The following CPLX4 variants were observed in gnomAD, a reference collection of about 807,000 sequenced individuals.
CPLX4 encodes complexin 4.
Under a neutral mutation model 16.1 loss-of-function variants are expected in CPLX4, and 17 were observed. The observed-to-expected ratio is 1.06, with a 90% CI of 0.72 to 1.59. CPLX4 has a LOEUF of 1.59. CPLX4 is among the 40% of genes most tolerant of loss of function. The pLI is 0.00. For missense variants in CPLX4, 193 were observed against 192.9 expected, an observed-to-expected ratio of 1.00 and a Z score of 0.00; for synonymous variants, 55 against 57.8, an observed-to-expected ratio of 0.95 and a Z score of 0.22.
At chr18:59,309,481 G>C (rs552888639) in intron 2 of CPLX4, among the ~76,000 whole-genome samples, 16 of 152,168 alleles carry the variant, frequency 1.1e-4, no homozygotes, top group Non-Finnish European at 1.8e-4. Flanking sequence ...TTTAAGCCAC[G>C]TGGAATTCAA....
chr18:59,309,822 C>CAAAAAAAAA (rs369580193), intron 2 of CPLX4, among the ~76,000 whole-genome samples: 3 of 87,010 alleles, frequency 3.4e-5, no homozygotes, highest in Non-Finnish European at 6.8e-5. Context: ...GACTCTGTGT[C>CAAAAAAAAA]AAAAAAAAAA....
Position 59,318,624 on chromosome 18 carries a change from G to A in CPLX4, c.-162C>T. On this transcript the variant is annotated 5_prime_UTR_variant, in exon 1 of 3. Coordinates refer to ENST00000299721, the MANE Select transcript of CPLX4 (RefSeq NM_181654.4). The stretch of plus-strand genomic sequence containing the variant: ...ATCTATTCAAGGGCATACTGATAGA[G>A]AAGAGTGGTTTGTCGGCCGTAAGCT... 1 of 1,313,780 alleles carries A rather than the reference G, an allele frequency of 7.6e-7. No individual in the cohort carries two copies. The highest frequency in any genetic ancestry group is 1.0e-6 in the Non-Finnish European group (1 of 1,001,058). The allele number at this position is 1,313,780 out of a possible 1,614,324, so 81.4% of individuals were successfully genotyped here.
intron 1 of CPLX4, among the ~76,000 whole-genome samples, chr18:59,314,440 A>G (rs1339393403): frequency 6.6e-6 from 1 of 152,088 alleles, no homozygotes; most frequent in East Asian, 1.9e-4. Context: ...CATTTCCCCC[A>G]AACTCTTCAA....
intron 2 of CPLX4, among the ~76,000 whole-genome samples, chr18:59,309,557 C>T (rs1394860767): frequency 6.6e-6 from 1 of 152,166 alleles, no homozygotes; most frequent in African/African-American, 2.4e-5. Context: ...GGCGCAGTGG[C>T]TCACGCCTAT....
intron 2 of CPLX4, among the ~76,000 whole-genome samples, chr18:59,308,211 A>G (rs1438162019): frequency 1.3e-5 from 2 of 152,198 alleles, no homozygotes; most frequent in Non-Finnish European, 1.5e-5. Context: ...ATTCAGTATT[A>G]GAATAAAAAG....
Position 59,296,767 on chromosome 18 carries a change from T to C in CPLX4, c.414A>G (p.Ile138Met). ...TGAAGGTGGCCTGGGCTTTTTCTTT[T>C]ATGGTATCCAAGTCCATGTTCTGGA... is the stretch of plus-strand genomic sequence containing the variant. ...QNLQNMDLDT[I>M]KEKAQATFTE... Residue 138 changes from isoleucine (I) to methionine (M), a missense_variant, in exon 3 of 3, where the codon ATA becomes ATG. Transcript: ENST00000299721. The C allele has an allele frequency of 6.2e-7, 1 of 1,613,942 alleles. No homozygotes were observed. The highest frequency in any genetic ancestry group is 1.3e-5 in the African/African-American group (1 of 74,988).
chr18:59,313,948 T>A (rs745386540), intron 1 of CPLX4, among the ~76,000 whole-genome samples: 7 of 152,222 alleles, frequency 4.6e-5, no homozygotes, highest in Non-Finnish European at 1.0e-4. Flanking sequence ...ACAAATCCCC[T>A]GTTTTCATTT....
At chr18:59,317,756 A>G (rs762019211) in intron 1 of CPLX4, among the ~76,000 whole-genome samples, 1 of 151,628 alleles carries the variant, frequency 6.6e-6, no homozygotes, top group Non-Finnish European at 1.5e-5. Context: ...AACAGTCCAC[A>G]AATCCATTCA....
chr18:59,312,574 A>C, intron 2 of CPLX4, 111 bp downstream of exon 2: 1 of 150,704 alleles, frequency 6.6e-6, no homozygotes, highest in Non-Finnish European at 1.3e-5. Flanking sequence ...TATATCTTGA[A>C]TATATATATA....
chr18:59,307,372 C>T (rs1422162766), intron 2 of CPLX4, among the ~76,000 whole-genome samples: 5 of 152,204 alleles, frequency 3.3e-5, no homozygotes, highest in African/African-American at 7.2e-5. Context: ...GAACCTGAAC[C>T]TGTTCTAGGA....
chr18:59,299,256 A>T (rs1317259176), intron 2 of CPLX4, among the ~76,000 whole-genome samples: 1 of 152,250 alleles, frequency 6.6e-6, no homozygotes, highest in East Asian at 1.9e-4. Flanking sequence ...GAGGAAAAGC[A>T]CAAGGTGGAC....
chr18:59,302,008 G>A (rs1365099678), intron 2 of CPLX4, among the ~76,000 whole-genome samples: 3 of 152,228 alleles, frequency 2.0e-5, no homozygotes, highest in Non-Finnish European at 4.4e-5. Context: ...GATCCCTGCT[G>A]AAAGGATCCC....
chr18:59,296,904 T>A lies in CPLX4; in HGVS notation c.277A>T (p.Ile93Phe). Residue 93 changes from isoleucine to phenylalanine, a missense_variant, in exon 3 of 3, where the codon ATC (isoleucine) becomes TTC (phenylalanine). Ile to Phe is a conservative substitution (Grantham distance 21, BLOSUM62 0). Transcript: ENST00000299721. Reference protein sequence around the residue: ...LPKSEMDENQIQMAGDDVDLP... With the variant: ...LPKSEMDENQFQMAGDDVDLP... ...TCCACATCATCTCCAGCCATCTGGA[T>A]TTGATTCTCATCCATTTCACTCTAT... 1 of 1,611,610 alleles carries A rather than the reference T, an allele frequency of 6.2e-7. No individual in the cohort carries two copies. The highest frequency in any genetic ancestry group is 1.1e-5 in the South Asian group (1 of 90,030).
intron 2 of CPLX4, among the ~76,000 whole-genome samples, chr18:59,310,036 G>A (rs761315139): frequency 5.3e-5 from 8 of 151,916 alleles, no homozygotes; most frequent in Non-Finnish European, 1.0e-4. Context: ...GTAAAATGAC[G>A]CAGTGGTATG....
rs1033620206 is a variant in CPLX4 at position 59,295,540 on chromosome 18, C to A, written c.*1158G>T. ...TCAGTTTCCTTTTCCTTTGATAGAT[C>A]TTTATTCACTGTATGAACAGAGTCA... On this transcript the variant is annotated 3_prime_UTR_variant, in exon 3 of 3. Transcript: ENST00000299721. 2 of 145,538 alleles carry A rather than the reference C, an allele frequency of 1.4e-5. No homozygotes were observed. Among genetic ancestry groups the A allele is most frequent in the Non-Finnish European group, 3.0e-5 (2 of 67,084 alleles). 9.0% of individuals were successfully genotyped at this position (145,538 alleles called of 1,614,324 possible).
chr18:59,296,571 G>A lies in CPLX4; in HGVS notation c.*127C>T. On this transcript the variant is annotated 3_prime_UTR_variant, in exon 3 of 3. Transcript: ENST00000299721. Reference sequence around the variant, plus strand: ...ATTTAGAACAACCAAATTATTGTCTGTCAATGGATCATCGTGGTTTTCCTA... The same window carrying A: ...ATTTAGAACAACCAAATTATTGTCTATCAATGGATCATCGTGGTTTTCCTA... 2.1e-6 allele frequency: 2 copies of A among 968,618 alleles called. No homozygotes were observed. Among genetic ancestry groups the A allele is most frequent in the Non-Finnish European group, 3.1e-6 (2 of 639,540 alleles). 60.0% of individuals were successfully genotyped at this position (968,618 alleles called of 1,614,324 possible).
At chr18:59,305,584 G>A (rs180696516) in intron 2 of CPLX4, among the ~76,000 whole-genome samples, 2 of 152,262 alleles carry the variant, frequency 1.3e-5, no homozygotes, top group East Asian at 1.9e-4. Flanking sequence ...TGGGCTTGTC[G>A]GGAGAGCCAC....
intron 2 of CPLX4, among the ~76,000 whole-genome samples, chr18:59,302,821 G>T (rs547058276): frequency 6.6e-6 from 1 of 152,204 alleles, no homozygotes; most frequent in Non-Finnish European, 1.5e-5. Context: ...ATCTTAGATG[G>T]TTATGTCTTC....
intron 2 of CPLX4, among the ~76,000 whole-genome samples, chr18:59,299,421 T>A (rs974412513): frequency 6.6e-6 from 1 of 152,138 alleles, no homozygotes; most frequent in African/African-American, 2.4e-5. Context: ...GGTTTGAACC[T>A]GGACAGGGTA....
Sources: gnomAD v4.1 joint callset for allele counts (sites outside exome capture counted in the v4.1 genomes callset) on GRCh38, gnomAD v4.1.1 for gene constraint, MANE v1.5 for transcripts, NCBI Gene and HGNC (gene_info 2026-07-23, HGNC 2026-07-21) for gene names.